Variants in FAXDC2 observed in about 807,000 individuals in gnomAD.
FAXDC2 encodes the protein fatty acid hydroxylase domain-containing protein 2.
Under a neutral mutation model 40.9 loss-of-function variants are expected in FAXDC2, and 41 were observed. That is an observed-to-expected ratio of 1.00 (90% CI 0.78 to 1.30). FAXDC2 has a LOEUF of 1.30. FAXDC2 is among the 50% of genes most tolerant of loss of function. The pLI, the probability that FAXDC2 is intolerant of heterozygous loss-of-function variation, is 0.00. For synonymous variants in FAXDC2, 157 were observed against 149.3 expected, an observed-to-expected ratio of 1.05 and a Z score of -0.38; for missense variants, 390 against 408.8, an observed-to-expected ratio of 0.95 and a Z score of 0.40.
chr5:154,820,196 A>G lies in FAXDC2; in HGVS notation c.*120T>C, dbSNP rs375154224. ...TTTCCGGGAAGCCGACCTTCCCTCT[A>G]CCCTGGTGGTGCCATCATTAGGGCG... On this transcript the variant is annotated 3_prime_UTR_variant, in exon 9 of 9. Transcript: ENST00000326080. The G allele has an allele frequency of 1.0e-3, 828 of 797,556 alleles. 3 individuals carry two copies. The highest frequency in any genetic ancestry group is 1.2e-3 in the Non-Finnish European group (618 of 496,830). The allele number at this position is 797,556 out of a possible 1,614,324, so 49.4% of individuals were successfully genotyped here. A position where few individuals can be genotyped will look rare whatever the true frequency, so the allele number is the denominator to read the frequency against.
intron 8 of FAXDC2, chr5:154,821,036 G>C (rs1759874415): frequency 1.9e-6 from 1 of 534,932 alleles, no homozygotes; most frequent in Non-Finnish European, 3.4e-6. Flanking sequence ...TATTCAAAGG[G>C]CCCAGAGTCC....
intron 1 of FAXDC2, chr5:154,838,667 T>G (rs529646809): frequency 5.9e-6 from 1 of 170,814 alleles, no homozygotes; most frequent in Non-Finnish European, 1.2e-5. Context: ...GGCACAATCT[T>G]GGCTCACTGC....
intron 2 of FAXDC2, among the ~76,000 whole-genome samples, chr5:154,835,883 C>CTTTTTTTTTTTTTTTTTTTTTTTTT: frequency 2.1e-5 from 1 of 47,870 alleles, no homozygotes; most frequent in Non-Finnish European, 4.0e-5. Flanking sequence ...GCCCGGCCGA[C>CTTTTTTTTTTTTTTTTTTTTTTTTT]TTTTTTTTTT....
rs1454689693 is a variant in FAXDC2, at chr5:154,830,790, A to G, written c.366+11T>C. The G allele has an allele frequency of 5.0e-6, 8 of 1,613,728 alleles. No homozygotes were observed. The highest frequency in any genetic ancestry group is 6.8e-6 in the Non-Finnish European group (8 of 1,179,802). ...TTCTGTGCTTTGACCAGAAGTTGCA[A>G]CAACACTTACAGGTTCATTCTTGCC... is the stretch of plus-strand genomic sequence containing the variant. On this transcript the variant is annotated intron_variant, in intron 5 of 8. Transcript: ENST00000326080.
At chr5:154,820,565 C>G in intron 8 of FAXDC2, 93 bp from the exon 9 acceptor site, 1 of 1,063,074 alleles carries the variant, frequency 9.4e-7, no homozygotes, top group South Asian at 1.6e-5. Flanking sequence ...TTTCTCAGCC[C>G]TCCTACCCCA....
intron 6 of FAXDC2, among the ~76,000 whole-genome samples, chr5:154,823,051 G>A (rs533572832): frequency 1.3e-5 from 2 of 151,858 alleles, no homozygotes; most frequent in African/African-American, 2.4e-5. Context: ...TTGCTCTTTC[G>A]CCCAGGCTGG....
At chr5:154,845,198 C>G (rs1030303753) in intron 1 of FAXDC2, among the ~76,000 whole-genome samples, 12 of 152,338 alleles carry the variant, frequency 7.9e-5, no homozygotes, top group Admixed American at 7.2e-4. Context: ...CTGTGCCTCT[C>G]TGCCCGCCTG....
rs1184469409 is a variant in FAXDC2 at position 154,819,627 on chromosome 5, C to T, written c.*689G>A. ...TGGTCTGCACCTCGTTGGTTTTAATCCAGGGAGGAGCTCCTGGATTTCTTT... is the reference window on the plus strand; with the variant it reads ...TGGTCTGCACCTCGTTGGTTTTAATTCAGGGAGGAGCTCCTGGATTTCTTT... On this transcript the variant is annotated 3_prime_UTR_variant, in exon 9 of 9. Transcript: ENST00000326080. 2 of 152,166 alleles carry T rather than the reference C, an allele frequency of 1.3e-5. No individual in the cohort carries two copies. Among genetic ancestry groups the T allele is most frequent in the Non-Finnish European group, 2.9e-5 (2 of 68,040 alleles). 9.4% of individuals were successfully genotyped at this position (152,166 alleles called of 1,614,324 possible). A position where few individuals can be genotyped will look rare whatever the true frequency, so the allele number is the denominator to read the frequency against.
intron 1 of FAXDC2, among the ~76,000 whole-genome samples, chr5:154,840,798 G>A (rs1292303562): frequency 4.6e-5 from 7 of 152,122 alleles, no homozygotes; most frequent in East Asian, 3.8e-4. Flanking sequence ...CGATCCTCCC[G>A]CCTCGGCCTC....
At chr5:154,834,088 T>G (rs898831153) in intron 4 of FAXDC2, among the ~76,000 whole-genome samples, 5 of 148,836 alleles carry the variant, frequency 3.4e-5, no homozygotes, top group Non-Finnish European at 7.4e-5. Flanking sequence ...TTAAATAAAT[T>G]GTATATAATT....
At chr5:154,833,947 C>T (rs1033018805) in intron 4 of FAXDC2, among the ~76,000 whole-genome samples, 4 of 151,734 alleles carry the variant, frequency 2.6e-5, no homozygotes, top group South Asian at 4.1e-4. Context: ...GGATTACAGG[C>T]GTCAGCCACC....
chr5:154,829,374 C>T lies in FAXDC2; in HGVS notation c.366+1427G>A, dbSNP rs1472248231. 2.0e-5 allele frequency: 3 copies of T among 153,702 alleles called. No homozygotes were observed. The Admixed American group carries it at 2.0e-4, about 10-fold the overall frequency. 9.5% of individuals were successfully genotyped at this position (153,702 alleles called of 1,614,324 possible). ...GTTTCTGATGTGTTAGTTCAGGGGCCAGTCCTTCCTTGAAACAGCCAAAGA... is the reference window on the plus strand; with the variant it reads ...GTTTCTGATGTGTTAGTTCAGGGGCTAGTCCTTCCTTGAAACAGCCAAAGA... On this transcript the variant is annotated intron_variant, in intron 5 of 8. Transcript: ENST00000326080.
intron 1 of FAXDC2, among the ~76,000 whole-genome samples, chr5:154,847,487 CTTTTT>C (rs557543082): frequency 7.6e-6 from 1 of 132,312 alleles, no homozygotes; most frequent in Non-Finnish European, 1.6e-5. Context: ...TTCTTTCTTT[CTTTTT>C]TTTTTTTTTT....
chr5:154,835,400 T>C (rs1444369851), intron 2 of FAXDC2: 3 of 162,408 alleles, frequency 1.8e-5, no homozygotes, highest in African/African-American at 7.2e-5. Flanking sequence ...CCCCAGTTAA[T>C]TCCAATGGGC....
intron 1 of FAXDC2, among the ~76,000 whole-genome samples, chr5:154,844,925 C>T (rs1447208184): frequency 6.6e-6 from 1 of 152,176 alleles, no homozygotes; most frequent in Non-Finnish European, 1.5e-5. Flanking sequence ...CACTGGACTC[C>T]TCTGCTCTAC....
At chr5:154,835,883 C>CGTT (rs1760332082) in intron 2 of FAXDC2, among the ~76,000 whole-genome samples, 1 of 47,842 alleles carries the variant, frequency 2.1e-5, no homozygotes, top group East Asian at 4.5e-4. Context: ...GCCCGGCCGA[C>CGTT]TTTTTTTTTT....
In FAXDC2 at chr5:154,832,066, A is replaced by G. The variant is rs544126365; in HGVS notation, c.245-1144T>C. 1.1e-4 allele frequency among the ~76,000 whole-genome samples: 16 copies of G among 152,368 alleles called. No individual in the cohort carries two copies. In the South Asian group the frequency reaches 3.1e-3, roughly 30 times the overall value. The stretch of plus-strand genomic sequence containing the variant: ...TAAAAATAGTTGGTATCTCATAAGT[A>G]CAACTATATACCCAATATATAAAAG... On this transcript the variant is annotated intron_variant, in intron 4 of 8. Coordinates refer to ENST00000326080, the MANE Select transcript of FAXDC2 (RefSeq NM_032385.5).
chr5:154,849,234 C>T (rs921052102), intron 1 of FAXDC2, among the ~76,000 whole-genome samples: 2 of 151,984 alleles, frequency 1.3e-5, no homozygotes, highest in South Asian at 2.1e-4. Context: ...GAGCTGAAAT[C>T]GCGCCACTGT....
chr5:154,850,352 A>AC (rs1760699427), intron 1 of FAXDC2, 131 bp downstream of exon 1: 1 of 152,006 alleles, frequency 6.6e-6, no homozygotes, highest in African/African-American at 2.4e-5. Context: ...GGCAAATCTA[A>AC]CCCTGCCATA....
Sources: allele counts gnomAD v4.1 joint callset (sites outside exome capture counted in the v4.1 genomes callset), GRCh38; gene constraint gnomAD v4.1.1; transcripts MANE v1.5; gene names NCBI Gene and HGNC (gene_info 2026-07-23, HGNC 2026-07-21).